Variants in DENND6B observed in about 807,000 individuals in gnomAD.
DENND6B encodes the protein DENN domain containing 6B, also known as protein DENND6B.
Under a neutral mutation model 85.1 loss-of-function variants are expected in DENND6B, and 73 were observed. That is an observed-to-expected ratio of 0.86 (90% CI 0.71 to 1.04). The LOEUF (loss-of-function observed/expected upper bound fraction) is 1.04. Among genes scored for constraint, DENND6B ranks in the 50% least tolerant of loss-of-function variants. The pLI is 0.00. For missense variants in DENND6B, 715 were observed against 785.8 expected (o/e 0.91, Z 1.08); for synonymous variants, 357 against 329.3 (o/e 1.08, Z -0.91).
At chr22:50,322,529 C>G (rs937434396) in intron 1 of DENND6B, among the ~76,000 whole-genome samples, 1 of 152,014 alleles carries the variant, frequency 6.6e-6, no homozygotes, top group Admixed American at 6.6e-5. Context: ...GGTAAATTTT[C>G]CATTAGAAAA....
chr22:50,316,532 A>C lies in DENND6B; in HGVS notation c.454-57T>G, dbSNP rs1569201638. 3.2e-6 allele frequency: 5 copies of C among 1,549,400 alleles called. No individual in the cohort carries two copies. In the Admixed American group the frequency reaches 9.8e-5, roughly 30 times the overall value. ...GTGCCAGGCCTCACCCTCGCCACTC[A>C]GGAGCCCACGGGGACCACCGAAGCC... On this transcript the variant is annotated intron_variant, in intron 5 of 19. Coordinates refer to ENST00000413817, the MANE Select transcript of DENND6B (RefSeq NM_001001794.4).
At position 50,314,413 on chromosome 22, in the gene DENND6B, C is replaced by T. The variant is rs1569198034; in HGVS notation, c.1059G>A (p.Glu353=). 7.0e-6 allele frequency: 11 copies of T among 1,564,330 alleles called. No homozygotes were observed. The highest frequency in any genetic ancestry group is 9.5e-6 in the Non-Finnish European group (11 of 1,153,994). Residue 353 remains glutamate, a synonymous_variant, in exon 12 of 20, where the codon GAG becomes GAA. Transcript: ENST00000413817. The part of the protein sequence containing the change: ...QHWPHILRVG[E]PKMSGDLPKQ... ...CGGGAGCCTGACCTGACATCTTGGG[C>T]TCCCCGACTCGGAGGATGTGGGGCC...
Position 50,324,510 on chromosome 22 carries a change from C to T in DENND6B, c.177+2302G>A, listed in dbSNP as rs564649514. ...CGCGATCTCGGCTCACCACAACCTC[C>T]GCCTCCTGGGTTCAAGCGATTTGCC... On this transcript the variant is annotated intron_variant, in intron 1 of 19. Coordinates refer to ENST00000413817, the MANE Select transcript of DENND6B (RefSeq NM_001001794.4). Among the ~76,000 whole-genome samples, 63 of 152,302 alleles carry T rather than the reference C, an allele frequency of 4.1e-4. 1 individual carries two copies. The highest frequency in any genetic ancestry group is 1.4e-3 in the East Asian group (7 of 5,184).
chr22:50,317,077 G>C (rs1278956735), intron 5 of DENND6B: 4 of 276,246 alleles, frequency 1.4e-5, no homozygotes, highest in African/African-American at 5.4e-5. Flanking sequence ...GGGGGGGGGC[G>C]GCGAGGACAG....
Position 50,310,923 on chromosome 22 carries a change from A to G in DENND6B, c.*1216T>C, listed in dbSNP as rs62241225. 82,921 of 151,690 alleles carry G rather than the reference A, an allele frequency of 0.55. 23,731 individuals carry two copies. Among genetic ancestry groups the G allele is most frequent in the African/African-American group, 0.73 (29,998 of 41,314 alleles). The allele number at this position is 151,690 out of a possible 1,614,324, so 9.4% of individuals were successfully genotyped here. A position where few individuals can be genotyped will look rare whatever the true frequency, so the allele number is the denominator to read the frequency against. ...CATGCCACTGCACTCCAGCCTGGGCAACAGAGCGAGACTCCATTTCAAAAA... is the reference window on the plus strand; with the variant it reads ...CATGCCACTGCACTCCAGCCTGGGCGACAGAGCGAGACTCCATTTCAAAAA... On this transcript the variant is annotated 3_prime_UTR_variant, in exon 20 of 20. Transcript: ENST00000413817.
In DENND6B at chr22:50,316,450, G is replaced by T. The variant is rs757798970; in HGVS notation, c.479C>A (p.Pro160His). ...CAGCGCTTGGAACAGCCGGACAAAG[G>T]GCAAGCGGGACACCAGCACCAAAGA... ...QKSLVLVSRL[P>H]FVRLFQALLS... Residue 160 changes from proline (P) to histidine (H), a missense_variant, in exon 6 of 20, where the codon CCC becomes CAC. Pro to His is a moderately conservative substitution (Grantham distance 77, BLOSUM62 -2). Coordinates refer to ENST00000413817, the MANE Select transcript of DENND6B (RefSeq NM_001001794.4). 6.3e-7 allele frequency: 1 copy of T among 1,586,084 alleles called. No individual in the cohort carries two copies. Among genetic ancestry groups the T allele is most frequent in the South Asian group, 1.1e-5 (1 of 87,018 alleles).
Position 50,312,007 on chromosome 22 carries a change from A to T in DENND6B, c.*132T>A. On this transcript the variant is annotated 3_prime_UTR_variant, in exon 20 of 20. Transcript: ENST00000413817. ...TTTACTGCTGAGACAATGGTGGTGCAGGAAGGGGAGCCTGCAGTCTGGGCG... is the reference window on the plus strand; with the variant it reads ...TTTACTGCTGAGACAATGGTGGTGCTGGAAGGGGAGCCTGCAGTCTGGGCG... 1 of 1,403,528 alleles carries T rather than the reference A, an allele frequency of 7.1e-7. No homozygotes were observed. Among genetic ancestry groups the T allele is most frequent in the Non-Finnish European group, 9.5e-7 (1 of 1,055,950 alleles). 86.9% of individuals were successfully genotyped at this position (1,403,528 alleles called of 1,614,324 possible). A position where few individuals can be genotyped will look rare whatever the true frequency, so the allele number is the denominator to read the frequency against.
intron 1 of DENND6B, among the ~76,000 whole-genome samples, chr22:50,320,197 G>T (rs2041999875): frequency 1.3e-5 from 2 of 152,256 alleles, no homozygotes; most frequent in South Asian, 2.1e-4. Context: ...ACAGTGAGGA[G>T]CCGGGCCCTG....
chr22:50,313,552 A>AAGCCCCCCCC, intron 15 of DENND6B, 53 bp from the exon 16 acceptor site: 1 of 389,646 alleles, frequency 2.6e-6, no homozygotes, highest in East Asian at 1.0e-4. Flanking sequence ...CCCCAGCCCC[A>AAGCCCCCCCC]TCCCCCGCAG....
chr22:50,323,636 G>C (rs1352816589), intron 1 of DENND6B, among the ~76,000 whole-genome samples: 1 of 151,184 alleles, frequency 6.6e-6, no homozygotes, highest in African/African-American at 2.4e-5. Context: ...TGACCAAGCT[G>C]GTCTAGAACT....
At chr22:50,315,977 T>C in intron 8 of DENND6B, 48 bp downstream of exon 8, 1 of 1,611,536 alleles carries the variant, frequency 6.2e-7, no homozygotes, top group East Asian at 2.2e-5. Flanking sequence ...CAGGACTCAA[T>C]CGGGTGAAGC....
rs62241224 is a variant in DENND6B at position 50,310,812 on chromosome 22, T to C, written c.*1327A>G. 0.51 allele frequency: 77,886 copies of C among 151,762 alleles called. 20,774 individuals carry two copies. The highest frequency in any genetic ancestry group is 0.66 in the African/African-American group (27,280 of 41,350). 9.4% of individuals were successfully genotyped at this position (151,762 alleles called of 1,614,324 possible). A position where few individuals can be genotyped will look rare whatever the true frequency, so the allele number is the denominator to read the frequency against. ...ACAAAAAATTAACCAAGCGCAGTGG[T>C]GGGTGCCTGTAGTCCCAGCTACTCG... On this transcript the variant is annotated 3_prime_UTR_variant, in exon 20 of 20. Coordinates refer to ENST00000413817, the MANE Select transcript of DENND6B (RefSeq NM_001001794.4).
At chr22:50,313,942 C>G in intron 13 of DENND6B, 64 bp from the exon 14 acceptor site, 2 of 1,516,252 alleles carry the variant, frequency 1.3e-6, no homozygotes, top group Non-Finnish European at 1.8e-6. Context: ...TCCTGCAGCC[C>G]CACAGAGGAG....
chr22:50,319,457 T>G (rs1009912369), intron 1 of DENND6B: 1 of 985,236 alleles, frequency 1.0e-6, no homozygotes, highest in African/African-American at 1.7e-5. Context: ...AGACTGCAGT[T>G]GGGCCCCCCT....
chr22:50,326,772 C>T, intron 1 of DENND6B, 40 bp downstream of exon 1: 1 of 1,335,470 alleles, frequency 7.5e-7, no homozygotes, highest in Non-Finnish European at 9.6e-7. Flanking sequence ...AGAGGCGCAG[C>T]CCTGCCCACC....
At position 50,318,105 on chromosome 22, in the gene DENND6B, C is replaced by T. The variant is rs2041915240; in HGVS notation, c.260-85G>A. On this transcript the variant is annotated intron_variant, in intron 3 of 19. Transcript: ENST00000413817. ...GAGCTGGTGACCGGGGAGCAAGGGC[C>T]CTGCGAGCCTGGCCTCTGCTGGTAA... 3 of 1,376,414 alleles carry T rather than the reference C, an allele frequency of 2.2e-6. No homozygotes were observed. The African/African-American group carries it at 4.3e-5, about 20-fold the overall frequency. The allele number at this position is 1,376,414 out of a possible 1,614,324, so 85.3% of individuals were successfully genotyped here. A position where few individuals can be genotyped will look rare whatever the true frequency, so the allele number is the denominator to read the frequency against.
At chr22:50,320,670 G>A (rs1378055360) in intron 1 of DENND6B, among the ~76,000 whole-genome samples, 1 of 152,204 alleles carries the variant, frequency 6.6e-6, no homozygotes, top group Admixed American at 6.5e-5. Context: ...ACCCACAGGG[G>A]TGCCTCAGGA....
chr22:50,322,494 C>T (rs1025883380), intron 1 of DENND6B, among the ~76,000 whole-genome samples: 10 of 152,176 alleles, frequency 6.6e-5, no homozygotes, highest in Admixed American at 3.3e-4. Context: ...CTCCAGAGAC[C>T]TCTGAGGGAG....
chr22:50,313,717 T>C lies in DENND6B; in HGVS notation c.1211A>G (p.Gln404Arg). ...ALLKRLLKGV[Q>R]KKRPSDVQSA... is the part of the protein sequence containing the mutation. Reference sequence around the variant, plus strand: ...CTGCACATCTGACGGCCGCTTCTTCTGCACGCCCTGCAGGGGAGAGAGGGC... The same window carrying C: ...CTGCACATCTGACGGCCGCTTCTTCCGCACGCCCTGCAGGGGAGAGAGGGC... Residue 404 changes from glutamine (Q) to arginine (R), a missense_variant, in exon 15 of 20, where the codon CAG (glutamine) becomes CGG (arginine). Physicochemically the swap from Gln to Arg is conservative, Grantham distance 43 (BLOSUM62 1). Coordinates refer to ENST00000413817, the MANE Select transcript of DENND6B (RefSeq NM_001001794.4). 1 of 1,602,738 alleles carries C rather than the reference T, an allele frequency of 6.2e-7. No individual in the cohort carries two copies. Among genetic ancestry groups the C allele is most frequent in the South Asian group, 1.1e-5 (1 of 89,298 alleles).
Sources: gnomAD v4.1 joint callset for allele counts (sites outside exome capture counted in the v4.1 genomes callset) on GRCh38, gnomAD v4.1.1 for gene constraint, MANE v1.5 for transcripts, NCBI Gene and HGNC (gene_info 2026-07-23, HGNC 2026-07-21) for gene names.